The following MCF2L variants were observed in gnomAD, a reference collection of about 807,000 sequenced individuals.
MCF2L encodes MCF.2 cell line derived transforming sequence like.
A neutral mutation model predicts 153.4 loss-of-function variants in MCF2L; 97 were observed. The ratio of observed to expected loss-of-function variants is 0.63; its 90% confidence interval spans 0.54 to 0.75. The LOEUF (loss-of-function observed/expected upper bound fraction) is 0.75, where lower values mean the gene tolerates loss of function less well. Ranked by LOEUF, MCF2L falls within the 30% of genes least tolerant of loss-of-function variation. The pLI is 0.00. For synonymous variants in MCF2L, 659 were observed against 632.2 expected (o/e 1.04, Z -0.64); for missense variants, 1,347 against 1,495.2 (o/e 0.90, Z 1.64).
intron 1 of MCF2L, among the ~76,000 whole-genome samples, chr13:112,973,683 T>C (rs1483238043): frequency 6.6e-6 from 1 of 152,224 alleles, no homozygotes; most frequent in African/African-American, 2.4e-5. Context: ...GGCAGACTTA[T>C]GAGCTCCCGG....
At chr13:113,085,977 C>T in intron 20 of MCF2L, 147 bp from the exon 21 acceptor site, 2 of 800,234 alleles carry the variant, frequency 2.5e-6, no homozygotes, top group South Asian at 4.1e-5. Flanking sequence ...TCTGTCCCAG[C>T]TGCAGGAGGG....
intron 1 of MCF2L, among the ~76,000 whole-genome samples, chr13:112,972,642 GTAGA>G (rs1156774242): frequency 2.7e-5 from 4 of 146,288 alleles, no homozygotes; most frequent in East Asian, 2.1e-4. Flanking sequence ...GAATGAGTTG[GTAGA>G]TAGATGGATG....
chr13:113,034,507 C>T (rs1340121401), intron 3 of MCF2L, among the ~76,000 whole-genome samples: 2 of 152,174 alleles, frequency 1.3e-5, no homozygotes, highest in Non-Finnish European at 2.9e-5. Context: ...ATGCTGGCTC[C>T]GTCCTGGAGG....
At chr13:113,036,646 G>A (rs770157947) in intron 3 of MCF2L, among the ~76,000 whole-genome samples, 92 of 152,366 alleles carry the variant, frequency 6.0e-4, no homozygotes, top group African/African-American at 1.9e-3. Flanking sequence ...CCAGGAGTGC[G>A]TGTGTCGCAG....
chr13:112,959,258 C>G (rs145384051), intron 2 of MCF2L, among the ~76,000 whole-genome samples: 2 of 152,092 alleles, frequency 1.3e-5, no homozygotes, highest in South Asian at 2.1e-4. Context: ...CTCACCACCC[C>G]CCGTCCTCCG....
rs767447351 is a variant in MCF2L, at chr13:113,082,575, C to G, written c.1991+33C>G. 2.1e-6 allele frequency: 3 copies of G among 1,430,658 alleles called. No homozygotes were observed. In the African/African-American group the frequency reaches 4.2e-5, roughly 20 times the overall value. The allele number at this position is 1,430,658 out of a possible 1,614,324, so 88.6% of individuals were successfully genotyped here. A position where few individuals can be genotyped will look rare whatever the true frequency, so the allele number is the denominator to read the frequency against. On this transcript the variant is annotated intron_variant, in intron 17 of 29. Transcript: ENST00000535094. ...CTTCCCCCCGACACAGGCACGCACC[C>G]GTGATCTCTTGCAGCTAATGGTGCT...
At chr13:112,997,084 C>T (rs1485566180) in intron 1 of MCF2L, among the ~76,000 whole-genome samples, 2 of 152,230 alleles carry the variant, frequency 1.3e-5, no homozygotes, top group African/African-American at 2.4e-5. Flanking sequence ...TTCCCGTGAA[C>T]GGAGGGACTC....
At chr13:113,016,611 G>A (rs2084531057) in intron 2 of MCF2L, among the ~76,000 whole-genome samples, 1 of 148,460 alleles carries the variant, frequency 6.7e-6, no homozygotes, top group African/African-American at 2.4e-5. Flanking sequence ...TGGTACTGCT[G>A]CCCCCGCGTC....
At chr13:112,956,206 G>A (rs1183542487) in intron 2 of MCF2L, 1 of 156,552 alleles carries the variant, frequency 6.4e-6, no homozygotes, top group Non-Finnish European at 1.4e-5. Flanking sequence ...AGTGGCAGGA[G>A]GGTCCTGGAG....
Position 113,070,464 on chromosome 13 carries a change from A to G in MCF2L, c.996+291A>G, listed in dbSNP as rs1594923567. 4.3e-6 allele frequency: 1 copy of G among 230,496 alleles called. No individual in the cohort carries two copies. The highest frequency in any genetic ancestry group is 8.4e-6 in the Non-Finnish European group (1 of 119,120). The allele number at this position is 230,496 out of a possible 1,614,324, so 14.3% of individuals were successfully genotyped here. ...AGCAGGAAGCCTTTGCTCTCCCTTC[A>G]TAGTCATTTGCATGCCCTTTTATTC... On this transcript the variant is annotated intron_variant, in intron 9 of 29. Coordinates refer to ENST00000535094, the MANE Select transcript of MCF2L (RefSeq NM_001112732.3). This position sits in a 1 kb window ranked among gnomAD's most constrained non-coding sequence, Gnocchi z 5.6.
rs555240338 is a variant in MCF2L at position 112,946,206 on chromosome 13, G to A, written c.169+43835G>A. On this transcript the variant is annotated intron_variant, in intron 2 of 29. Coordinates refer to the MCF2L transcript ENST00000375608. ...GTAGGAAGCATCATTTTGCCACCCT[G>A]CCAAAGTATTCTGACTAAAACTATC... is the stretch of plus-strand genomic sequence containing the variant. Among the ~76,000 whole-genome samples the A allele has an allele frequency of 2.4e-3, 368 of 151,792 alleles. 2 individuals carry two copies. The highest frequency in any genetic ancestry group is 8.7e-3 in the African/African-American group (359 of 41,352).
rs144035732 is a variant in MCF2L at position 113,035,081 on chromosome 13, C to G, written c.279-10190C>G. On this transcript the variant is annotated intron_variant, in intron 3 of 29. Transcript: ENST00000535094. This position sits in a 1 kb window ranked among gnomAD's most constrained non-coding sequence, Gnocchi z 4.4. ...GAAGGGTTCCTGTCCACGTTCAGCA[C>G]CCCCGTGCAGACCTCACCATTCCCG... 1.8e-3 allele frequency among the ~76,000 whole-genome samples: 272 copies of G among 152,324 alleles called. 1 individual carries two copies. Among genetic ancestry groups the G allele is most frequent in the African/African-American group, 6.2e-3 (259 of 41,580 alleles).
chr13:112,947,233 A>G (rs1215042988), intron 2 of MCF2L, among the ~76,000 whole-genome samples: 4 of 152,148 alleles, frequency 2.6e-5, no homozygotes, highest in South Asian at 2.1e-4. Flanking sequence ...TTAGGTTTCA[A>G]CGTGTGATTT....
chr13:112,953,315 G>A (rs2081716493), intron 2 of MCF2L, among the ~76,000 whole-genome samples: 1 of 152,160 alleles, frequency 6.6e-6, no homozygotes, highest in Non-Finnish European at 1.5e-5. Flanking sequence ...CAAAGGGTGG[G>A]TGGGGTTGCC....
intron 15 of MCF2L, among the ~76,000 whole-genome samples, chr13:113,078,941 A>T (rs765117719): frequency 8.5e-5 from 13 of 152,232 alleles, no homozygotes; most frequent in Non-Finnish European, 1.6e-4. Flanking sequence ...CGTGAAGCAC[A>T]CACACGCCGC....
rs530392368 is a variant in MCF2L at position 113,098,227 on chromosome 13, G to A, written c.*1368G>A. On this transcript the variant is annotated 3_prime_UTR_variant, in exon 30 of 30. Coordinates refer to ENST00000535094, the MANE Select transcript of MCF2L (RefSeq NM_001112732.3). Reference sequence around the variant, plus strand: ...ATTCCCCTCACGCTACCCTCCCAGCGGCTTGTAGCCGTCACTGGCCAGACC... The same window carrying A: ...ATTCCCCTCACGCTACCCTCCCAGCAGCTTGTAGCCGTCACTGGCCAGACC... 1.3e-5 allele frequency: 2 copies of A among 152,690 alleles called. No homozygotes were observed. Among genetic ancestry groups the A allele is most frequent in the East Asian group, 1.9e-4 (1 of 5,188 alleles). The allele number at this position is 152,690 out of a possible 1,614,324, so 9.5% of individuals were successfully genotyped here. A position where few individuals can be genotyped will look rare whatever the true frequency, so the allele number is the denominator to read the frequency against.
intron 2 of MCF2L, among the ~76,000 whole-genome samples, chr13:112,946,201 AC>A (rs1486529174): frequency 6.6e-6 from 1 of 152,104 alleles, no homozygotes; most frequent in African/African-American, 2.4e-5. Flanking sequence ...TCATTTTGCC[AC>A]CCTGCCAAAG....
intron 26 of MCF2L, among the ~76,000 whole-genome samples, chr13:113,091,781 C>T (rs2035243555): frequency 6.6e-6 from 1 of 152,102 alleles, no homozygotes; most frequent in Admixed American, 6.6e-5. Context: ...CTGTGAAGCC[C>T]AGAGACCTCC....
At chr13:112,947,981 G>A (rs1435064279) in intron 2 of MCF2L, among the ~76,000 whole-genome samples, 1 of 152,248 alleles carries the variant, frequency 6.6e-6, no homozygotes, top group Non-Finnish European at 1.5e-5. Context: ...GCACCACGTG[G>A]ACTCTGCCAA....
Sources: allele counts gnomAD v4.1 joint callset (sites outside exome capture counted in the v4.1 genomes callset), GRCh38; gene constraint gnomAD v4.1.1; non-coding constraint Gnocchi (gnomAD v3.1); transcripts MANE v1.5; gene names NCBI Gene and HGNC (gene_info 2026-07-23, HGNC 2026-07-21).